ZC3H13: variants seen among roughly 807,000 people sequenced by gnomAD.
The protein encoded by ZC3H13 is zinc finger CCCH-type containing 13.
Under a neutral mutation model 204.1 loss-of-function variants are expected in ZC3H13, and 64 were observed. That is an observed-to-expected ratio of 0.31 (90% CI 0.26 to 0.39). The LOEUF (loss-of-function observed/expected upper bound fraction) is 0.39. Ranked by LOEUF, ZC3H13 falls within the 10% of genes least tolerant of loss-of-function variation. The probability of loss-of-function intolerance (pLI) is 1.00; values close to 1 mark genes in which losing one functional copy is unlikely to be tolerated. For synonymous variants in ZC3H13, 667 were observed against 693.7 expected, an observed-to-expected ratio of 0.96 and a Z score of 0.60; for missense variants, 1,833 against 2,082.7, an observed-to-expected ratio of 0.88 and a Z score of 2.33.
chr13:46,044,443 G>A (rs1469244769), intron 3 of ZC3H13, among the ~76,000 whole-genome samples: 4 of 151,998 alleles, frequency 2.6e-5, no homozygotes, highest in African/African-American at 7.2e-5. Context: ...AACGATGTTC[G>A]AAATATGGAG....
Position 46,006,713 on chromosome 13 carries a change from C to CATATATATATATAT in ZC3H13, c.747-3378_747-3377insATATATATATATAT, listed in dbSNP as rs71184435. Among the ~76,000 whole-genome samples, 225 of 63,820 alleles carry CATATATATATATAT rather than the reference C, an allele frequency of 3.5e-3. 46 individuals are homozygous for CATATATATATATAT. Among genetic ancestry groups the CATATATATATATAT allele is most frequent in the South Asian group, 0.013 (27 of 2,058 alleles). The allele number at this position is 63,820 out of a possible 152,430, so 41.9% of individuals were successfully genotyped here. A position where few individuals can be genotyped will look rare whatever the true frequency, so the allele number is the denominator to read the frequency against. ...TTCTCAAGTCCCAAGAGTTCTTAGC[C>CATATATATATATAT]ATATATATATATGAGATAGTATCTA... On this transcript the variant is annotated intron_variant, in intron 7 of 18. Transcript: ENST00000679008.
chr13:45,979,032 G>C (rs1953317448), intron 11 of ZC3H13, among the ~76,000 whole-genome samples: 1 of 151,996 alleles, frequency 6.6e-6, no homozygotes, highest in South Asian at 2.1e-4. Context: ...CCATAGTAAA[G>C]TATCAATATT....
chr13:45,968,122 C>T, intron 14 of ZC3H13, 94 bp from the exon 15 acceptor site: 1 of 1,318,916 alleles, frequency 7.6e-7, no homozygotes, highest in Non-Finnish European at 1.0e-6. Context: ...CATAATTTAC[C>T]TTTTTCCATA....
intron 1 of ZC3H13, among the ~76,000 whole-genome samples, chr13:46,049,922 T>C (rs2044280620): frequency 6.6e-6 from 1 of 152,148 alleles, no homozygotes; most frequent in South Asian, 2.1e-4. Context: ...AAGGTTTTCC[T>C]CCATTTTTGT....
At chr13:45,982,086 C>T (rs1455897662) in intron 10 of ZC3H13, among the ~76,000 whole-genome samples, 2 of 150,926 alleles carry the variant, frequency 1.3e-5, no homozygotes, top group Non-Finnish European at 3.0e-5. Context: ...ATATGACAAA[C>T]TAACCCACCC....
chr13:46,052,463 G>A lies in ZC3H13; in HGVS notation c.-69C>T, dbSNP rs1489578045. 1.5e-5 allele frequency: 6 copies of A among 398,078 alleles called. No individual in the cohort carries two copies. The East Asian group carries it at 1.8e-4, about 12-fold the overall frequency. The allele number at this position is 398,078 out of a possible 1,614,324, so 24.7% of individuals were successfully genotyped here. A position where few individuals can be genotyped will look rare whatever the true frequency, so the allele number is the denominator to read the frequency against. ...GAGGCACCACCGCCGCCGCCGCTCCGAGGAGCGGGGGAGGCGACTCTGTCC... is the reference window on the plus strand; with the variant it reads ...GAGGCACCACCGCCGCCGCCGCTCCAAGGAGCGGGGGAGGCGACTCTGTCC... On this transcript the variant is annotated 5_prime_UTR_variant, in exon 1 of 19. Transcript: ENST00000679008.
intron 1 of ZC3H13, among the ~76,000 whole-genome samples, chr13:46,051,022 G>A (rs758837305): frequency 3.9e-5 from 6 of 152,156 alleles, no homozygotes; most frequent in Non-Finnish European, 8.8e-5. Context: ...ATGAGGAGGT[G>A]AGGAAGACTA....
At chr13:46,039,099 A>G (rs2043397160) in intron 4 of ZC3H13, among the ~76,000 whole-genome samples, 1 of 152,204 alleles carries the variant, frequency 6.6e-6, no homozygotes, top group South Asian at 2.1e-4. Context: ...TAGATAGTGT[A>G]TTACCTAAAA....
intron 10 of ZC3H13, 119 bp from the exon 11 acceptor site, chr13:45,980,123 G>T (rs188035174): frequency 1.2e-4 from 110 of 895,024 alleles, no homozygotes; most frequent in Non-Finnish European, 1.6e-4. Flanking sequence ...CCAAAGTGTG[G>T]TAATCACTCC....
At position 46,033,063 on chromosome 13, in the gene ZC3H13, T is replaced by C. The variant is rs1438804329; in HGVS notation, c.339+9101A>G. The stretch of plus-strand genomic sequence containing the variant: ...ATGTGGTTACCTACAGGGAAAAGGG[T>C]ACAGCAATCATGGGACAGAAGTTAA... On this transcript the variant is annotated intron_variant, in intron 4 of 18. Transcript: ENST00000679008. 2.0e-5 allele frequency among the ~76,000 whole-genome samples: 3 copies of C among 152,206 alleles called. No homozygotes were observed. In the East Asian group the frequency reaches 5.8e-4, roughly 29 times the overall value.
chr13:46,040,658 G>A (rs1311858444), intron 4 of ZC3H13, among the ~76,000 whole-genome samples: 1 of 152,130 alleles, frequency 6.6e-6, no homozygotes, highest in Non-Finnish European at 1.5e-5. Context: ...CATCAAGAAT[G>A]TGATGATAAC....
intron 4 of ZC3H13, among the ~76,000 whole-genome samples, chr13:46,041,159 A>T (rs767373797): frequency 2.6e-5 from 4 of 152,170 alleles, no homozygotes; most frequent in Non-Finnish European, 5.9e-5. Context: ...ACAGGAGTCA[A>T]AAAGTAGAAA....
chr13:46,052,322 G>A (rs181900083), intron 1 of ZC3H13, 82 bp downstream of exon 1: 6 of 385,396 alleles, frequency 1.6e-5, no homozygotes, highest in Middle Eastern at 6.4e-4. Context: ...AGCAAAGACG[G>A]GGGGGGGTAA....
At position 45,955,277 on chromosome 13, in the gene ZC3H13, A is replaced by T. The variant is rs1312156603; in HGVS notation, c.*1850T>A. On this transcript the variant is annotated 3_prime_UTR_variant, in exon 19 of 19. Coordinates refer to ENST00000679008, the MANE Select transcript of ZC3H13 (RefSeq NM_001330564.2). Reference sequence around the variant, plus strand: ...AAAATTTTATAGGTATATGTTACTAATACTGAGAATGGTTGAATTAAAAGA... The same window carrying T: ...AAAATTTTATAGGTATATGTTACTATTACTGAGAATGGTTGAATTAAAAGA... 1 of 152,218 alleles carries T rather than the reference A, an allele frequency of 6.6e-6. No individual in the cohort carries two copies. Among genetic ancestry groups the T allele is most frequent in the Non-Finnish European group, 1.5e-5 (1 of 68,028 alleles). 9.4% of individuals were successfully genotyped at this position (152,218 alleles called of 1,614,324 possible). A position where few individuals can be genotyped will look rare whatever the true frequency, so the allele number is the denominator to read the frequency against.
At chr13:46,024,565 A>G (rs1176128087) in intron 4 of ZC3H13, among the ~76,000 whole-genome samples, 2 of 152,000 alleles carry the variant, frequency 1.3e-5, no homozygotes, top group African/African-American at 2.4e-5. Context: ...GTCTTTCTGT[A>G]TCTAGAGGTT....
At chr13:46,023,097 G>A (rs144700166) in intron 4 of ZC3H13, among the ~76,000 whole-genome samples, 51 of 152,264 alleles carry the variant, frequency 3.3e-4, no homozygotes, top group African/African-American at 1.2e-3. Flanking sequence ...GAAGTGTCAA[G>A]GCTAAGAGAG....
Position 45,969,479 on chromosome 13 carries a change from G to A in ZC3H13, c.3065C>T (p.Ala1022Val). 1 of 1,610,340 alleles carries A rather than the reference G, an allele frequency of 6.2e-7. No homozygotes were observed. The highest frequency in any genetic ancestry group is 8.5e-7 in the Non-Finnish European group (1 of 1,179,110). Residue 1022 changes from alanine to valine, a missense_variant, in exon 14 of 19, where the codon GCC (alanine) becomes GTC (valine). This residue lies in a region of ZC3H13 where 1,574 missense variants were observed against 1,757.2 expected (regional missense o/e 0.90). Transcript: ENST00000679008. ...GCCTCTTTTCTTCTTACTTTGCTGG[G>A]CTGCTTCTTCATCAGAAATATCAGA... The part of the protein sequence containing the change: ...GDSDISDEEA[A>V]QQSKKKRGPR...
chr13:46,038,437 G>A (rs2043350272), intron 4 of ZC3H13, among the ~76,000 whole-genome samples: 1 of 152,114 alleles, frequency 6.6e-6, no homozygotes. Flanking sequence ...AGAATTACAA[G>A]TTATCCATTT....
chr13:46,049,057 C>T (rs2044211637), intron 1 of ZC3H13, among the ~76,000 whole-genome samples: 1 of 150,400 alleles, frequency 6.6e-6, no homozygotes, highest in African/African-American at 2.5e-5. Flanking sequence ...GAAGCTGAGG[C>T]AGGAGAATCG....
Sources: gnomAD v4.1 joint callset for allele counts (sites outside exome capture counted in the v4.1 genomes callset) on GRCh38, gnomAD v4.1.1 for gene constraint, gnomAD v4.1.1 regional missense constraint, MANE v1.5 for transcripts, NCBI Gene and HGNC (gene_info 2026-07-23, HGNC 2026-07-21) for gene names.